AMN1: variants seen among roughly 807,000 people sequenced by gnomAD.
AMN1 encodes antagonist of mitotic exit network 1 homolog.
A neutral mutation model predicts 33.0 loss-of-function variants in AMN1; 20 were observed. The observed-to-expected ratio is 0.61, with a 90% CI of 0.43 to 0.88. The LOEUF (loss-of-function observed/expected upper bound fraction) is 0.88. Ranked by LOEUF, AMN1 falls within the 40% of genes least tolerant of loss-of-function variation. The probability of loss-of-function intolerance (pLI) is 0.00; values close to 1 mark genes in which losing one functional copy is unlikely to be tolerated. For missense variants in AMN1, 246 were observed against 307.4 expected (o/e 0.80, Z 1.49); for synonymous variants, 114 against 111.9 (o/e 1.02, Z -0.12).
intron 3 of AMN1, among the ~76,000 whole-genome samples, chr12:31,699,395 CAAAAAAAAAAAAAAAAA>C (rs34860207): frequency 5.4e-5 from 2 of 36,870 alleles, no homozygotes; most frequent in Non-Finnish European, 9.3e-5. Flanking sequence ...GACTCTGTCT[CAAAAAAAAAAAAAAAAA>C]AAAAAAAAAG....
chr12:31,714,136 G>A (rs1185976495), intron 1 of AMN1, among the ~76,000 whole-genome samples: 2 of 151,878 alleles, frequency 1.3e-5, no homozygotes, highest in Non-Finnish European at 2.9e-5. Flanking sequence ...CTATGAGTCG[G>A]GGGTAAAGAA....
intron 2 of AMN1, among the ~76,000 whole-genome samples, chr12:31,705,216 G>A (rs931468989): frequency 6.6e-6 from 1 of 152,210 alleles, no homozygotes; most frequent in Non-Finnish European, 1.5e-5. Flanking sequence ...CTAGCATGTA[G>A]GCTGGGCACT....
At chr12:31,711,453 TCTCA>T (rs1166947595) in intron 1 of AMN1, among the ~76,000 whole-genome samples, 44 of 152,128 alleles carry the variant, frequency 2.9e-4, no homozygotes, top group Admixed American at 2.6e-3. Context: ...GAAAATGATG[TCTCA>T]CTATTACTTT....
intron 1 of AMN1, among the ~76,000 whole-genome samples, chr12:31,726,569 GGAGATAA>G (rs1345229408): frequency 2.6e-5 from 4 of 152,252 alleles, no homozygotes; most frequent in African/African-American, 9.6e-5. Flanking sequence ...TGGTCAGTGA[GGAGATAA>G]GGAGTTTATG....
chr12:31,685,846 T>A (rs1256369972), intron 6 of AMN1, among the ~76,000 whole-genome samples: 1 of 149,106 alleles, frequency 6.7e-6, no homozygotes, highest in Non-Finnish European at 1.5e-5. Context: ...CTCAACCGCA[T>A]TTGTTATTAT....
intron 6 of AMN1, among the ~76,000 whole-genome samples, chr12:31,674,750 G>A (rs1951351408): frequency 6.6e-6 from 1 of 152,108 alleles, no homozygotes; most frequent in South Asian, 2.1e-4. Context: ...TGGGTACGGT[G>A]GCTCATGCCT....
chr12:31,702,071 A>G (rs1383530875), intron 2 of AMN1, 64 bp from the exon 3 acceptor site: 25 of 1,400,162 alleles, frequency 1.8e-5, no homozygotes, highest in Admixed American at 2.6e-5. Flanking sequence ...TTTATTCCAT[A>G]TTCAGTGTTT....
intron 3 of AMN1, among the ~76,000 whole-genome samples, chr12:31,700,582 G>A (rs565854720): frequency 1.3e-5 from 2 of 151,954 alleles, no homozygotes; most frequent in Admixed American, 1.3e-4. Context: ...CATCAAAAAA[G>A]CCTTAACAAA....
rs1252647650 is a variant in AMN1 at position 31,673,620 on chromosome 12, C to CT, written c.704-1244dup. On this transcript the variant is annotated intron_variant, in intron 6 of 6. Transcript: ENST00000281471. ...AGGGGGAAACACTTTCCAACTCTTT[C>CT]TGTGAGGCCAGTGTTACCCTGATAC... 9.2e-6 allele frequency: 4 copies of CT among 433,774 alleles called. No homozygotes were observed. In the East Asian group the frequency reaches 3.0e-4, roughly 32 times the overall value. The allele number at this position is 433,774 out of a possible 1,614,324, so 26.9% of individuals were successfully genotyped here.
chr12:31,722,619 G>A (rs1939918768), intron 1 of AMN1, among the ~76,000 whole-genome samples: 1 of 152,138 alleles, frequency 6.6e-6, no homozygotes, highest in Admixed American at 6.5e-5. Context: ...GACTTAGTCT[G>A]ATATTCTGGG....
At chr12:31,697,681 C>T in intron 4 of AMN1, 59 bp downstream of exon 4, 1 of 1,527,786 alleles carries the variant, frequency 6.5e-7, no homozygotes, top group Non-Finnish European at 9.1e-7. Flanking sequence ...TCTCATTAGT[C>T]ATGAAAATAC....
At chr12:31,677,842 A>G (rs1937802928) in intron 6 of AMN1, among the ~76,000 whole-genome samples, 1 of 152,148 alleles carries the variant, frequency 6.6e-6, no homozygotes, top group Admixed American at 6.6e-5. Context: ...ACCTACAAAT[A>G]TTACTCTAAA....
chr12:31,702,110 G>C lies in AMN1; in HGVS notation c.172-103C>G. 4.9e-6 allele frequency: 5 copies of C among 1,022,208 alleles called. No homozygotes were observed. The South Asian group carries it at 8.0e-5, about 16-fold the overall frequency. The allele number at this position is 1,022,208 out of a possible 1,614,324, so 63.3% of individuals were successfully genotyped here. A position where few individuals can be genotyped will look rare whatever the true frequency, so the allele number is the denominator to read the frequency against. Reference sequence around the variant, plus strand: ...TGGTCATAACAGACAAGTGGCTGATGTAAAATACAGCAAAGAATACAGAAG... The same window carrying C: ...TGGTCATAACAGACAAGTGGCTGATCTAAAATACAGCAAAGAATACAGAAG... On this transcript the variant is annotated intron_variant, in intron 2 of 6. Coordinates refer to ENST00000281471, the MANE Select transcript of AMN1 (RefSeq NM_001113402.2).
At chr12:31,715,506 A>T in intron 1 of AMN1, 1 of 176,678 alleles carries the variant, frequency 5.7e-6, no homozygotes. Context: ...CTGCTATTTC[A>T]CTGAAGCTGT....
intron 1 of AMN1, among the ~76,000 whole-genome samples, chr12:31,720,842 C>T (rs1939855735): frequency 6.6e-6 from 1 of 152,160 alleles, no homozygotes; most frequent in Admixed American, 6.5e-5. Flanking sequence ...GGTTTTTCTA[C>T]CTTTGGCTAA....
chr12:31,711,357 T>G (rs913445854), intron 1 of AMN1, among the ~76,000 whole-genome samples: 1 of 152,212 alleles, frequency 6.6e-6, no homozygotes, highest in Non-Finnish European at 1.5e-5. Flanking sequence ...TTTATAAACA[T>G]GGGACTTGTC....
At chr12:31,701,838 A>G (rs1939016378) in intron 3 of AMN1, 25 bp downstream of exon 3, 2 of 1,570,368 alleles carry the variant, frequency 1.3e-6, no homozygotes, top group African/African-American at 2.8e-5. Flanking sequence ...TAATCTACCA[A>G]TGTACTCAGT....
intron 4 of AMN1, 106 bp downstream of exon 4, chr12:31,697,634 G>A: frequency 7.8e-7 from 1 of 1,283,408 alleles, no homozygotes; most frequent in Non-Finnish European, 1.1e-6. Flanking sequence ...GTGGTCAATA[G>A]TTTCAACAAA....
chr12:31,681,420 G>A lies in AMN1; in HGVS notation c.703+7587C>T, dbSNP rs141436458. Among the ~76,000 whole-genome samples, 818 of 152,016 alleles carry A rather than the reference G, an allele frequency of 5.4e-3. 3 individuals carry two copies. The highest frequency in any genetic ancestry group is 0.018 in the African/African-American group (737 of 41,474). On this transcript the variant is annotated intron_variant, in intron 6 of 6. Transcript: ENST00000281471. ...ATTTTTGTATTTTTAGTAGAGACAGGGTTTCACCATGTTGGTCAGGCTGGT... is the reference window on the plus strand; with the variant it reads ...ATTTTTGTATTTTTAGTAGAGACAGAGTTTCACCATGTTGGTCAGGCTGGT...
Sources: gnomAD v4.1 joint callset for allele counts (sites outside exome capture counted in the v4.1 genomes callset) on GRCh38, gnomAD v4.1.1 for gene constraint, MANE v1.5 for transcripts, NCBI Gene and HGNC (gene_info 2026-07-23, HGNC 2026-07-21) for gene names.